GHR: variants seen among roughly 807,000 people sequenced by gnomAD.
The protein encoded by GHR is growth hormone receptor, also known as GH receptor.
GHR carries 35 observed loss-of-function variants against 67.1 expected under a neutral mutation model. The ratio of observed to expected loss-of-function variants is 0.52; its 90% CI spans 0.40 to 0.69. The LOEUF is 0.69. Among genes scored for constraint, GHR ranks in the 30% least tolerant of loss-of-function variants. The probability of loss-of-function intolerance (pLI) is 0.00; values close to 1 mark genes in which losing one functional copy is unlikely to be tolerated. For synonymous variants in GHR, 272 were observed against 269.1 expected (o/e 1.01, Z -0.10); for missense variants, 792 against 764.6 (o/e 1.04, Z -0.42).
intron 1 of GHR, chr5:42,466,980 A>C: frequency 6.3e-7 from 1 of 1,574,818 alleles, no homozygotes; most frequent in Non-Finnish European, 8.7e-7. Context: ...GCTTCTCCCC[A>C]GTGTGGGTTC....
chr5:42,699,870 C>T lies in GHR; in HGVS notation c.486C>T (p.Val162=), dbSNP rs773964952. 36 of 1,610,952 alleles carry T rather than the reference C, an allele frequency of 2.2e-5. No homozygotes were observed. Among genetic ancestry groups the T allele is most frequent in the South Asian group, 3.3e-5 (3 of 91,018 alleles). ...PIALNWTLLN[V]SLTGIHADIQ... ...CCCTCAACTGGACTTTACTGAACGT[C>T]AGTTTAACTGGGATTCATGCAGATA... is the stretch of plus-strand genomic sequence containing the variant. Residue 162 remains valine (V), a synonymous_variant, in exon 6 of 10, where the codon GTC becomes GTT. Transcript: ENST00000230882.
At chr5:42,618,986 C>A (rs1753306606) in intron 2 of GHR, among the ~76,000 whole-genome samples, 2 of 152,086 alleles carry the variant, frequency 1.3e-5, no homozygotes, top group African/African-American at 4.8e-5. Context: ...CTTGAAAAAA[C>A]AAATGGCCCT....
intron 2 of GHR, among the ~76,000 whole-genome samples, chr5:42,584,711 C>A (rs966259851): frequency 2.6e-5 from 4 of 151,726 alleles, no homozygotes; most frequent in Non-Finnish European, 5.9e-5. Flanking sequence ...GCTGATTTTT[C>A]TTTTCTTAGT....
At chr5:42,483,355 T>C (rs1268331745) in intron 1 of GHR, among the ~76,000 whole-genome samples, 3 of 152,182 alleles carry the variant, frequency 2.0e-5, no homozygotes, top group Non-Finnish European at 4.4e-5. Context: ...GCTGGGCACT[T>C]ACTGTCTTTT....
chr5:42,505,720 C>T (rs1319508054), intron 1 of GHR, among the ~76,000 whole-genome samples: 7 of 152,148 alleles, frequency 4.6e-5, no homozygotes, highest in Non-Finnish European at 1.0e-4. Context: ...TACATTGTCA[C>T]ATTGGATTGC....
intron 1 of GHR, among the ~76,000 whole-genome samples, chr5:42,484,837 G>T (rs1193589440): frequency 6.6e-6 from 1 of 152,136 alleles, no homozygotes; most frequent in Non-Finnish European, 1.5e-5. Context: ...TTAAATTCTG[G>T]CCTCAGAACA....
chr5:42,480,968 G>C (rs1208665961), intron 1 of GHR, among the ~76,000 whole-genome samples: 2 of 152,158 alleles, frequency 1.3e-5, no homozygotes, highest in Non-Finnish European at 2.9e-5. Flanking sequence ...AGTTGATGCA[G>C]TTTCTTCCTA....
intron 2 of GHR, among the ~76,000 whole-genome samples, chr5:42,593,813 A>C (rs1356063194): frequency 3.3e-5 from 5 of 152,200 alleles, no homozygotes; most frequent in African/African-American, 7.2e-5. Flanking sequence ...TGGAATAGTG[A>C]TGACATTTCC....
intron 2 of GHR, among the ~76,000 whole-genome samples, chr5:42,618,071 T>A (rs2112701090): frequency 6.6e-6 from 1 of 152,192 alleles, no homozygotes; most frequent in Middle Eastern, 3.4e-3. Context: ...AGCCGAGAAC[T>A]TCAGAAGGCA....
chr5:42,692,497 T>A (rs908658235), intron 4 of GHR, among the ~76,000 whole-genome samples: 1 of 152,198 alleles, frequency 6.6e-6, no homozygotes, highest in African/African-American at 2.4e-5. Flanking sequence ...ATTTGGGTTC[T>A]TGTCTACATT....
At chr5:42,483,284 TCA>T (rs1745735472) in intron 1 of GHR, among the ~76,000 whole-genome samples, 1 of 152,104 alleles carries the variant, frequency 6.6e-6, no homozygotes, top group African/African-American at 2.4e-5. Flanking sequence ...ACACCTGGGA[TCA>T]AGCAGTCTGC....
chr5:42,469,078 C>A (rs1453040926), intron 1 of GHR, among the ~76,000 whole-genome samples: 1 of 152,146 alleles, frequency 6.6e-6, no homozygotes, highest in South Asian at 2.1e-4. Flanking sequence ...AAAGATAGTT[C>A]TAGATAATAC....
At chr5:42,570,997 T>C (rs1285173810) in intron 2 of GHR, among the ~76,000 whole-genome samples, 1 of 152,182 alleles carries the variant, frequency 6.6e-6, no homozygotes, top group East Asian at 1.9e-4. Flanking sequence ...GAATTACCAG[T>C]ACTCAGAGTC....
At chr5:42,661,157 G>A (rs1236255355) in intron 3 of GHR, among the ~76,000 whole-genome samples, 4 of 152,194 alleles carry the variant, frequency 2.6e-5, no homozygotes, top group Non-Finnish European at 4.4e-5. Flanking sequence ...CGGGGAGAAT[G>A]GAACCAAGTT....
chr5:42,631,116 AG>A lies in GHR; in HGVS notation c.136+2014del, dbSNP rs201048476. 1.5e-3 allele frequency among the ~76,000 whole-genome samples: 224 copies of A among 152,166 alleles called. 1 individual carries two copies. The highest frequency in any genetic ancestry group is 5.1e-3 in the African/African-American group (210 of 41,492). ...AAGTGTGCCCAAGGCCGTCAGATTC[AG>A]TTTGGTTCTGTATGTCACAGGGTCT... On this transcript the variant is annotated intron_variant, in intron 3 of 9. Coordinates refer to ENST00000230882, the MANE Select transcript of GHR (RefSeq NM_000163.5).
intron 3 of GHR, among the ~76,000 whole-genome samples, chr5:42,684,383 A>G (rs1428647700): frequency 6.6e-6 from 1 of 152,220 alleles, no homozygotes; most frequent in African/African-American, 2.4e-5. Context: ...AACAGTTAGA[A>G]TGTGAAATAG....
At chr5:42,433,419 T>C (rs999315278) in intron 1 of GHR, among the ~76,000 whole-genome samples, 1 of 152,202 alleles carries the variant, frequency 6.6e-6, no homozygotes, top group Non-Finnish European at 1.5e-5. Flanking sequence ...TTTGGTATCA[T>C]TGTGAAAAAT....
chr5:42,444,782 C>T (rs765214688), intron 1 of GHR, among the ~76,000 whole-genome samples: 5 of 152,130 alleles, frequency 3.3e-5, no homozygotes, highest in African/African-American at 7.2e-5. Context: ...TCTTGTCTTT[C>T]GAGGTGGAAC....
At chr5:42,545,753 A>T (rs1207579295) in intron 1 of GHR, among the ~76,000 whole-genome samples, 1 of 152,194 alleles carries the variant, frequency 6.6e-6, no homozygotes, top group Non-Finnish European at 1.5e-5. Context: ...GCAAAGATAT[A>T]GTCCAGGCTC....
Sources: allele counts gnomAD v4.1 joint callset (sites outside exome capture counted in the v4.1 genomes callset), GRCh38; gene constraint gnomAD v4.1.1; transcripts MANE v1.5; gene names NCBI Gene and HGNC (gene_info 2026-07-23, HGNC 2026-07-21).